The following MAGI2 variants were observed in gnomAD, a reference collection of about 807,000 sequenced individuals.
MAGI2 encodes membrane associated guanylate kinase, WW and PDZ domain containing 2, also known as membrane-associated guanylate kinase, WW and PDZ domain-containing protein 2.
A neutral mutation model predicts 133.3 loss-of-function variants in MAGI2; 35 were observed. The observed-to-expected ratio is 0.26, with a 90% CI of 0.20 to 0.35. The LOEUF (loss-of-function observed/expected upper bound fraction) is 0.35. Ranked by LOEUF, MAGI2 falls within the 10% of genes least tolerant of loss-of-function variation. MAGI2 has a pLI of 1.00. For missense variants in MAGI2, 1,636 were observed against 1,863.4 expected, an observed-to-expected ratio of 0.88 and a Z score of 2.25; for synonymous variants, 729 against 710.6, an observed-to-expected ratio of 1.03 and a Z score of -0.41.
intron 2 of MAGI2, among the ~76,000 whole-genome samples, chr7:78,654,703 G>GTATATA (rs57776940): frequency 6.8e-5 from 8 of 118,438 alleles, no homozygotes; most frequent in African/African-American, 1.3e-4. Flanking sequence ...TTACATATAT[G>GTATATA]TATATATATA....
chr7:79,058,238 T>C (rs1276814868), intron 1 of MAGI2, among the ~76,000 whole-genome samples: 1 of 152,110 alleles, frequency 6.6e-6, no homozygotes, highest in East Asian at 1.9e-4. Flanking sequence ...TTTTTTTCTA[T>C]GCTATTTAGG....
chr7:79,412,788 T>C (rs1222849624), intron 1 of MAGI2: 4 of 152,164 alleles, frequency 2.6e-5, no homozygotes, highest in Non-Finnish European at 4.4e-5. Flanking sequence ...ATGGGTTCAG[T>C]GTTTCAGAAT....
At chr7:78,328,704 A>C (rs1788859882) in intron 9 of MAGI2, among the ~76,000 whole-genome samples, 1 of 152,184 alleles carries the variant, frequency 6.6e-6, no homozygotes, top group Non-Finnish European at 1.5e-5. Context: ...ATTTCATATG[A>C]AATTTATACC....
chr7:78,749,152 G>T (rs1299091897), intron 2 of MAGI2, among the ~76,000 whole-genome samples: 1 of 152,186 alleles, frequency 6.6e-6, no homozygotes, highest in East Asian at 1.9e-4. Context: ...AAGAAGAAAT[G>T]ATCTTCACCC....
At chr7:78,153,221 C>G (rs1563188561) in intron 16 of MAGI2, among the ~76,000 whole-genome samples, 1 of 152,182 alleles carries the variant, frequency 6.6e-6, no homozygotes, top group Non-Finnish European at 1.5e-5. Context: ...ACTGCCACAA[C>G]CCAAATCCCA....
chr7:78,476,866 T>G (rs1791808255), intron 6 of MAGI2, among the ~76,000 whole-genome samples: 1 of 113,848 alleles, frequency 8.8e-6, no homozygotes, highest in South Asian at 3.6e-4. Context: ...AAGTGCTCAT[T>G]TTTTATCTTC....
chr7:79,081,066 C>T (rs760161688), intron 1 of MAGI2, among the ~76,000 whole-genome samples: 8 of 152,160 alleles, frequency 5.3e-5, no homozygotes, highest in Non-Finnish European at 8.8e-5. Flanking sequence ...CAGATATGAC[C>T]CTGCCTACTC....
intron 2 of MAGI2, among the ~76,000 whole-genome samples, chr7:78,861,932 G>A (rs1187399630): frequency 2.0e-4 from 30 of 152,156 alleles, no homozygotes; most frequent in Admixed American, 2.0e-3. Context: ...ATCAACAGAA[G>A]TGTGGAGCTG....
At chr7:79,320,286 A>C (rs1309959582) in intron 1 of MAGI2, among the ~76,000 whole-genome samples, 1 of 152,140 alleles carries the variant, frequency 6.6e-6, no homozygotes, top group Admixed American at 6.6e-5. Context: ...AATATATGGG[A>C]TCTAGCAATA....
At chr7:78,572,904 C>T (rs148739771) in intron 3 of MAGI2, among the ~76,000 whole-genome samples, 99 of 150,078 alleles carry the variant, frequency 6.6e-4, no homozygotes, top group African/African-American at 1.8e-3. Flanking sequence ...TCAGGTGATC[C>T]GCCTCACTCG....
intron 3 of MAGI2, among the ~76,000 whole-genome samples, chr7:78,548,678 A>G (rs909508874): frequency 1.3e-5 from 2 of 152,172 alleles, no homozygotes; most frequent in African/African-American, 4.8e-5. Flanking sequence ...CTGGGTGACA[A>G]GAGTGAAACT....
chr7:78,781,100 C>T lies in MAGI2; in HGVS notation c.419-153861G>A, dbSNP rs190254217. Among the ~76,000 whole-genome samples the T allele has an allele frequency of 4.7e-4, 71 of 152,164 alleles. No homozygotes were observed. In the East Asian group the frequency reaches 0.013, roughly 27 times the overall value. Reference sequence around the variant, plus strand: ...GGTAAGAATACAGCAGAGGGATGGCCGGGCAGGGTGGCTCACGCCTGTAAT... The same window carrying T: ...GGTAAGAATACAGCAGAGGGATGGCTGGGCAGGGTGGCTCACGCCTGTAAT... On this transcript the variant is annotated intron_variant, in intron 2 of 21. Transcript: ENST00000354212.
chr7:78,853,558 G>T (rs897990461), intron 2 of MAGI2, among the ~76,000 whole-genome samples: 1 of 151,314 alleles, frequency 6.6e-6, no homozygotes, highest in Non-Finnish European at 1.5e-5. Context: ...GTCTCACCAT[G>T]TTGCCCAGAC....
At chr7:78,043,695 G>T (rs11763566) in intron 21 of MAGI2, among the ~76,000 whole-genome samples, 10,146 of 152,146 alleles carry the variant, frequency 0.067, 338 homozygotes, top group South Asian at 0.078. Flanking sequence ...TTTTCACATC[G>T]TCGTTTGCTT....
intron 1 of MAGI2, among the ~76,000 whole-genome samples, chr7:79,299,845 G>C (rs1609276): frequency 0.95 from 144,920 of 152,040 alleles, 69,177 homozygotes; most frequent in Non-Finnish European, 0.98. Flanking sequence ...GGAGTGATCT[G>C]TCACAAAATC....
intron 2 of MAGI2, among the ~76,000 whole-genome samples, chr7:78,899,865 CA>C (rs1405883059): frequency 6.6e-6 from 1 of 152,160 alleles, no homozygotes; most frequent in Non-Finnish European, 1.5e-5. Flanking sequence ...ACAGGAAAAA[CA>C]TGTTTATTAA....
intron 1 of MAGI2, chr7:79,353,426 T>C (rs1283216536): frequency 1.3e-5 from 6 of 455,494 alleles, no homozygotes; most frequent in Middle Eastern, 3.4e-4. Context: ...CTCCCAGAGC[T>C]TCCAGACCCA....
Position 79,184,439 on chromosome 7 carries a change from A to C in MAGI2, c.302-177233T>G, listed in dbSNP as rs575739717. ...TTAAAAATAAAAATAAGAAACAATA[A>C]AAATAAAATAACATAAAAAATCAAA... On this transcript the variant is annotated intron_variant, in intron 1 of 21. Coordinates refer to ENST00000354212, the MANE Select transcript of MAGI2 (RefSeq NM_012301.4). Among the ~76,000 whole-genome samples, 5 of 151,564 alleles carry C rather than the reference A, an allele frequency of 3.3e-5. No homozygotes were observed. The South Asian group carries it at 8.3e-4, about 25-fold the overall frequency.
At chr7:78,127,471 G>C (rs1454425241) in intron 18 of MAGI2, 55 bp from the exon 19 acceptor site, 4 of 1,404,778 alleles carry the variant, frequency 2.8e-6, no homozygotes, top group Admixed American at 3.5e-5. Flanking sequence ...AAAGAGGCTA[G>C]AGTGATCACA....
Sources: allele counts gnomAD v4.1 joint callset (sites outside exome capture counted in the v4.1 genomes callset), GRCh38; gene constraint gnomAD v4.1.1; transcripts MANE v1.5; gene names NCBI Gene and HGNC (gene_info 2026-07-23, HGNC 2026-07-21).